The following PCCA variants were observed in gnomAD, a reference collection of about 807,000 sequenced individuals.
PCCA encodes propionyl-CoA carboxylase alpha chain, mitochondrial.
In PCCA, 74 loss-of-function variants were observed where a neutral mutation model predicts 101.3. The ratio of observed to expected loss-of-function variants is 0.73; its 90% CI spans 0.61 to 0.89. The LOEUF is 0.89. PCCA is among the 40% of genes least tolerant of loss of function. The pLI, the probability that PCCA is intolerant of heterozygous loss-of-function variation, is 0.00. For synonymous variants in PCCA, 294 were observed against 313.6 expected (o/e 0.94, Z 0.66); for missense variants, 891 against 907.0 (o/e 0.98, Z 0.23).
At chr13:100,371,908 A>AG (rs1163071110) in intron 19 of PCCA, among the ~76,000 whole-genome samples, 1 of 152,212 alleles carries the variant, frequency 6.6e-6, no homozygotes, top group Non-Finnish European at 1.5e-5. Flanking sequence ...TTTTGACAAG[A>AG]GTTTCTAAAA....
chr13:100,432,018 T>G (rs185978741), intron 20 of PCCA, among the ~76,000 whole-genome samples: 1 of 152,126 alleles, frequency 6.6e-6, no homozygotes, highest in African/African-American at 2.4e-5. Flanking sequence ...TGTAACATGG[T>G]GAAACCCTGT....
chr13:100,421,658 T>G (rs1304279693), intron 19 of PCCA, among the ~76,000 whole-genome samples: 1 of 152,008 alleles, frequency 6.6e-6, no homozygotes, highest in African/African-American at 2.4e-5. Context: ...CTGACCTGAG[T>G]TTTTTTCCTT....
chr13:100,496,596 G>A (rs573894832), intron 21 of PCCA, among the ~76,000 whole-genome samples: 11 of 152,164 alleles, frequency 7.2e-5, no homozygotes, highest in South Asian at 2.1e-4. Context: ...TGATCATTTG[G>A]TTCAGGTGGT....
At chr13:100,441,425 A>G (rs2080357057) in intron 20 of PCCA, among the ~76,000 whole-genome samples, 1 of 152,192 alleles carries the variant, frequency 6.6e-6, no homozygotes, top group Non-Finnish European at 1.5e-5. Flanking sequence ...CTCTGGTTTT[A>G]TTATCCTAGG....
intron 6 of PCCA, among the ~76,000 whole-genome samples, chr13:100,188,319 C>CAAAACAAAACAAAACA (rs2057465074): frequency 6.8e-6 from 1 of 146,528 alleles, no homozygotes; most frequent in Non-Finnish European, 1.5e-5. Context: ...CAAAACAAAA[C>CAAAACAAAACAAAACA]AAAACAAAAA....
intron 6 of PCCA, among the ~76,000 whole-genome samples, chr13:100,180,111 G>C (rs9585369): frequency 0.031 from 4,764 of 152,200 alleles, 241 homozygotes; most frequent in African/African-American, 0.11. Context: ...GGAGTTTTAA[G>C]CATGTGGTGC....
chr13:100,454,088 G>A (rs2081541058), intron 21 of PCCA, among the ~76,000 whole-genome samples: 1 of 151,774 alleles, frequency 6.6e-6, no homozygotes, highest in Non-Finnish European at 1.5e-5. Flanking sequence ...AGCCAGGATG[G>A]TCTCGATCTC....
At chr13:100,183,538 T>A (rs551666219) in intron 6 of PCCA, among the ~76,000 whole-genome samples, 1 of 152,158 alleles carries the variant, frequency 6.6e-6, no homozygotes, top group Non-Finnish European at 1.5e-5. Flanking sequence ...TCATCCATTT[T>A]GATGGAGGAG....
chr13:100,104,770 C>G (rs988946986), intron 2 of PCCA, among the ~76,000 whole-genome samples: 1 of 152,088 alleles, frequency 6.6e-6, no homozygotes, highest in African/African-American at 2.4e-5. Flanking sequence ...GTGGTGTGAT[C>G]TTGGCTCACT....
chr13:100,386,191 T>A (rs2076489915), intron 19 of PCCA, among the ~76,000 whole-genome samples: 1 of 152,226 alleles, frequency 6.6e-6, no homozygotes, highest in South Asian at 2.1e-4. Flanking sequence ...CACAGGACTA[T>A]TTTAAAGAAT....
intron 18 of PCCA, among the ~76,000 whole-genome samples, chr13:100,347,593 T>C (rs2072476692): frequency 1.3e-5 from 2 of 152,214 alleles, no homozygotes; most frequent in African/African-American, 4.8e-5. Context: ...GGCAATTGCT[T>C]TATAAAGTGG....
intron 7 of PCCA, among the ~76,000 whole-genome samples, chr13:100,233,899 A>G (rs769013176): frequency 7.2e-5 from 11 of 152,164 alleles, no homozygotes; most frequent in Non-Finnish European, 1.5e-4. Context: ...TCAGATATAG[A>G]TATGGCTTTA....
chr13:100,501,227 T>A (rs79043083), intron 21 of PCCA, among the ~76,000 whole-genome samples: 10,195 of 152,260 alleles, frequency 0.067, 1,168 homozygotes, highest in African/African-American at 0.23. Context: ...TTATTTTATC[T>A]ATGTAAACTT....
intron 18 of PCCA, among the ~76,000 whole-genome samples, chr13:100,360,609 A>G (rs9585412): frequency 0.24 from 37,165 of 152,164 alleles, 4,968 homozygotes; most frequent in Non-Finnish European, 0.31. Flanking sequence ...TAAAACTGTA[A>G]AAAGATACCA....
chr13:100,449,847 A>G (rs1281803861), intron 21 of PCCA, among the ~76,000 whole-genome samples: 2 of 152,202 alleles, frequency 1.3e-5, no homozygotes, highest in Non-Finnish European at 2.9e-5. Context: ...TTTCTCCCAA[A>G]TAGAATCAAA....
chr13:100,316,301 A>G (rs1362292609), intron 16 of PCCA, among the ~76,000 whole-genome samples: 1 of 152,256 alleles, frequency 6.6e-6, no homozygotes, highest in African/African-American at 2.4e-5. Context: ...AATATCATTT[A>G]GTGAGATAAA....
At chr13:100,174,464 C>T (rs941793778) in intron 6 of PCCA, among the ~76,000 whole-genome samples, 4 of 147,808 alleles carry the variant, frequency 2.7e-5, no homozygotes, top group South Asian at 2.2e-4. Flanking sequence ...GGGTGGCTCA[C>T]GCCTGTAATC....
chr13:100,356,824 G>A (rs887178102), intron 18 of PCCA, among the ~76,000 whole-genome samples: 8 of 152,108 alleles, frequency 5.3e-5, no homozygotes, highest in Non-Finnish European at 8.8e-5. Flanking sequence ...TCCTTCAAAT[G>A]ATGAATGAGT....
intron 22 of PCCA, among the ~76,000 whole-genome samples, chr13:100,525,072 A>T (rs1594144712): frequency 6.6e-6 from 1 of 152,044 alleles, no homozygotes; most frequent in Non-Finnish European, 1.5e-5. Context: ...GAGCTAAATA[A>T]GTAGACTAGT....
Sources: gnomAD v4.1 joint callset for allele counts (sites outside exome capture counted in the v4.1 genomes callset) on GRCh38, gnomAD v4.1.1 for gene constraint, MANE v1.5 for transcripts, NCBI Gene and HGNC (gene_info 2026-07-23, HGNC 2026-07-21) for gene names.